Variants in KIF1A observed in about 807,000 individuals in gnomAD.
KIF1A encodes kinesin family member 1A, also known as kinesin-like protein KIF1A.
KIF1A carries 46 observed loss-of-function variants against 227.3 expected under a neutral mutation model. The observed-to-expected ratio is 0.20, with a 90% CI of 0.16 to 0.26. The LOEUF (loss-of-function observed/expected upper bound fraction) is 0.26. Ranked by LOEUF, KIF1A falls within the 10% of genes least tolerant of loss-of-function variation. The pLI, the probability that KIF1A is intolerant of heterozygous loss-of-function variation, is 1.00. For missense variants in KIF1A, 1,683 were observed against 2,485.9 expected (o/e 0.68, Z 6.87); for synonymous variants, 1,022 against 1,012.8 (o/e 1.01, Z -0.17).
intron 1 of KIF1A, among the ~76,000 whole-genome samples, chr2:240,800,634 G>GTTTT (rs2056888563): frequency 1.3e-5 from 2 of 152,374 alleles, no homozygotes; most frequent in East Asian, 3.9e-4. Flanking sequence ...CAAGATTCCA[G>GTTTT]AAGACAGAGG....
rs750851476 is a variant in KIF1A at position 240,752,032 on chromosome 2, C to T, written c.2859-1485G>A. On this transcript the variant is annotated intron_variant, in intron 27 of 48. Coordinates refer to ENST00000498729, the MANE Select transcript of KIF1A (RefSeq NM_001244008.2). This position sits in a 1 kb window ranked among gnomAD's most constrained non-coding sequence, Gnocchi z 6.4. ...CCAACGCCCTCACTGCAAAATGGCC[C>T]AGGCTCGCAACAGGAAAAGGGTCTT... is the stretch of plus-strand genomic sequence containing the variant. 2.0e-5 allele frequency among the ~76,000 whole-genome samples: 3 copies of T among 152,074 alleles called. No individual in the cohort carries two copies. The highest frequency in any genetic ancestry group is 7.2e-5 in the African/African-American group (3 of 41,424).
At position 240,725,315 on chromosome 2, in the gene KIF1A, G is replaced by A. The variant is rs752972658; in HGVS notation, c.4212C>T (p.Ser1404=). The A allele has an allele frequency of 6.2e-7, 1 of 1,610,604 alleles. No individual in the cohort carries two copies. The highest frequency in any genetic ancestry group is 1.7e-5 in the Admixed American group (1 of 59,676). ...SRDAKLPASR[S]IRNLFGSGSL... ...TCCCACTGCCAAAGAGGTTGCGGAT[G>A]GAGCGCGAGGCTGGCAGCTTGGCAT... The change falls in exon 40 of 49, where the codon TCC becomes TCT. Residue 1404 remains serine (S), a synonymous_variant. Coordinates refer to ENST00000498729, the MANE Select transcript of KIF1A (RefSeq NM_001244008.2). This position sits in a 1 kb window ranked among gnomAD's most constrained non-coding sequence, Gnocchi z 5.8.
rs1310258691 is a variant in KIF1A, at chr2:240,718,146, C to T, written c.5237G>A (p.Cys1746Tyr). ...MLKTPNTFAV[C>Y]TEHRGILLQA... ...CAGCAGGATGCCGCGGTGTTCCGTG[C>T]ACACCGCGAATGTGTTGGGTGTCTG... Residue 1746 changes from cysteine to tyrosine, a missense_variant, in exon 48 of 49, where the codon TGC becomes TAC. Transcript: ENST00000498729. The T allele has an allele frequency of 6.2e-7, 1 of 1,607,230 alleles. No individual in the cohort carries two copies. The highest frequency in any genetic ancestry group is 1.3e-5 in the African/African-American group (1 of 74,974).
chr2:240,772,730 G>A, intron 13 of KIF1A, 134 bp from the exon 14 acceptor site: 1 of 713,952 alleles, frequency 1.4e-6, no homozygotes, highest in South Asian at 1.8e-5. Context: ...GCAGGGTGGT[G>A]AAGGTCTTCA....
rs1418545388 is a variant in KIF1A, at chr2:240,740,093, T to C, written c.3866A>G (p.His1289Arg). The C allele has an allele frequency of 1.6e-5, 25 of 1,589,652 alleles. No homozygotes were observed. The highest frequency in any genetic ancestry group is 4.0e-5 in the African/African-American group (3 of 74,190). ...CTCGCGCACTTCCTTCCAGCGGATA[T>C]GGCTGCCTGTCTCATGCAGTAGTGT... ...TVTLLHETGS[H>R]IRWKEVRELV... The change falls in exon 37 of 49, where the codon CAT becomes CGT. Residue 1289 changes from histidine to arginine, a missense_variant. This residue lies in a region of KIF1A where 759 missense variants were observed against 1,020.2 expected (regional missense o/e 0.74). Coordinates refer to ENST00000498729, the MANE Select transcript of KIF1A (RefSeq NM_001244008.2). This position sits in a 1 kb window ranked among gnomAD's most constrained non-coding sequence, Gnocchi z 6.1.
intron 10 of KIF1A, chr2:240,782,272 G>A (rs2054145378): frequency 3.3e-6 from 3 of 904,354 alleles, no homozygotes; most frequent in Non-Finnish European, 4.0e-6. Context: ...CATGTCCGAG[G>A]GGCTCCTCCG....
At position 240,760,588 on chromosome 2, in the gene KIF1A, C is replaced by T. The variant is rs573850771; in HGVS notation, c.2444+77G>A. 1.6e-3 allele frequency: 1,863 copies of T among 1,195,536 alleles called. 65 individuals are homozygous for T. In the South Asian group the frequency reaches 0.035, roughly 23 times the overall value. The allele number at this position is 1,195,536 out of a possible 1,614,324, so 74.1% of individuals were successfully genotyped here. ...GCAGGTACTCGCTGTGAAGCCTGTG[C>T]CTACCACCGCTCCTGTGGCTTCAGC... On this transcript the variant is annotated intron_variant, in intron 25 of 48. Transcript: ENST00000498729.
rs550429072 is a variant in KIF1A, at chr2:240,745,858, T to C, written c.3254A>G (p.Asp1085Gly). The change falls in exon 31 of 49, where the codon GAT (aspartate) becomes GGT (glycine). Residue 1085 changes from aspartate to glycine, a missense_variant. Around this residue, in one of 12 missense-constraint regions of KIF1A, gnomAD observed 759 missense variants for 1,020.2 expected, o/e 0.74. Transcript: ENST00000498729. Reference protein sequence around the residue: ...LLDSSEKAALDGPLDAALDHL... With the variant: ...LLDSSEKAALGGPLDAALDHL... ...GTCCAGGGCAGCATCCAGGGGCCCA[T>C]CCAGGGCGGCTTTCTCAGAGCTGTC... The C allele has an allele frequency of 1.6e-5, 26 of 1,612,082 alleles. No homozygotes were observed. Among genetic ancestry groups the C allele is most frequent in the Non-Finnish European group, 2.0e-5 (24 of 1,179,344 alleles).
chr2:240,811,533 G>A (rs2057864037), intron 1 of KIF1A, among the ~76,000 whole-genome samples: 1 of 150,760 alleles, frequency 6.6e-6, no homozygotes, highest in Non-Finnish European at 1.5e-5. Flanking sequence ...CTGAACCCCT[G>A]AGAAGGCGGG....
chr2:240,722,747 C>A, intron 42 of KIF1A, 91 bp from the exon 43 acceptor site: 3 of 1,085,296 alleles, frequency 2.8e-6, no homozygotes, highest in Non-Finnish European at 3.9e-6. Context: ...ACCCTCTGGG[C>A]AGACCCCGGA....
At position 240,746,035 on chromosome 2, in the gene KIF1A, C is replaced by T. The variant is rs1230557900; in HGVS notation, c.3202+4G>A. The T allele has an allele frequency of 6.2e-7, 1 of 1,607,484 alleles. No homozygotes were observed. The highest frequency in any genetic ancestry group is 2.2e-5 in the East Asian group (1 of 44,652). ...GCCCTGGGCAGCTGGGGTGGGCGACCCACCTGAACAGGTGTTGTTGTTGAC... is the reference window on the plus strand; with the variant it reads ...GCCCTGGGCAGCTGGGGTGGGCGACTCACCTGAACAGGTGTTGTTGTTGAC... On this transcript the variant is annotated splice_donor_region_variant and intron_variant, in intron 30 of 48. Transcript: ENST00000498729.
At position 240,765,855 on chromosome 2, in the gene KIF1A, C is replaced by T. The variant is rs115292533; in HGVS notation, c.1685-62G>A. The T allele has an allele frequency of 2.5e-3, 3,250 of 1,282,050 alleles. 8 individuals are homozygous for T. The highest frequency in any genetic ancestry group is 3.3e-3 in the Non-Finnish European group (2,929 of 885,316). The allele number at this position is 1,282,050 out of a possible 1,614,324, so 79.4% of individuals were successfully genotyped here. On this transcript the variant is annotated intron_variant, in intron 19 of 48. Transcript: ENST00000498729. ...TGAGGGGCTGTCACCTACAGCAGCT[C>T]GGCTTACCTGGCCCCCGGGCATGGC...
chr2:240,747,998 C>T (rs373682431), intron 28 of KIF1A, among the ~76,000 whole-genome samples: 2 of 152,246 alleles, frequency 1.3e-5, no homozygotes, highest in African/African-American at 2.4e-5. Flanking sequence ...GTGCAAGGGC[C>T]GGTGCCTTTT....
Position 240,720,744 on chromosome 2 carries a change from G to C in KIF1A, c.4868+170C>G, listed in dbSNP as rs139795348. 49 of 707,650 alleles carry C rather than the reference G, an allele frequency of 6.9e-5. No homozygotes were observed. In the African/African-American group the frequency reaches 8.0e-4, roughly 11 times the overall value. The allele number at this position is 707,650 out of a possible 1,614,324, so 43.8% of individuals were successfully genotyped here. A position where few individuals can be genotyped will look rare whatever the true frequency, so the allele number is the denominator to read the frequency against. Reference sequence around the variant, plus strand: ...AGCTGGCGGGGCACAGGCACCCTCTGAGAGGGCTGCGGACTCCACTCCTCC... The same window carrying C: ...AGCTGGCGGGGCACAGGCACCCTCTCAGAGGGCTGCGGACTCCACTCCTCC... On this transcript the variant is annotated intron_variant, in intron 45 of 48. Transcript: ENST00000498729.
In KIF1A at chr2:240,758,293, T is replaced by C; in HGVS notation, c.2582+67A>G. The C allele has an allele frequency of 1.9e-6, 3 of 1,550,406 alleles. No individual in the cohort carries two copies. Among genetic ancestry groups the C allele is most frequent in the Non-Finnish European group, 2.6e-6 (3 of 1,144,812 alleles). ...CTCCTTGTATCAGGCCAGGGCCCAC[T>C]CCTACCCCCACTGCCATCTCTCTCT... On this transcript the variant is annotated intron_variant, in intron 26 of 48. Transcript: ENST00000498729. The surrounding 1 kb of genome is among the most constrained non-coding windows in gnomAD (Gnocchi z 5.2).
At chr2:240,731,973 T>G (rs1387617335) in intron 38 of KIF1A, among the ~76,000 whole-genome samples, 1 of 73,224 alleles carries the variant, frequency 1.4e-5, no homozygotes, top group Non-Finnish European at 2.7e-5. Flanking sequence ...GGGAGGAGAC[T>G]AGGAGAGGAG....
chr2:240,787,642 G>C (rs546050057), intron 4 of KIF1A, among the ~76,000 whole-genome samples: 1 of 152,288 alleles, frequency 6.6e-6, no homozygotes, highest in South Asian at 2.1e-4. Context: ...ACCTGCCCAG[G>C]GGAATGGCTG....
chr2:240,779,461 C>T (rs1238766115), intron 10 of KIF1A, among the ~76,000 whole-genome samples: 1 of 149,038 alleles, frequency 6.7e-6, no homozygotes, highest in Non-Finnish European at 1.5e-5. Flanking sequence ...CATAGTTCCA[C>T]ACTCAGTTCC....
chr2:240,737,666 G>A (rs549644212), intron 37 of KIF1A: 1 of 154,214 alleles, frequency 6.5e-6, no homozygotes, highest in Non-Finnish European at 1.4e-5. Context: ...TTCTTACAAG[G>A]GGCATTTCCA....
Sources: gnomAD v4.1 joint callset for allele counts (sites outside exome capture counted in the v4.1 genomes callset) on GRCh38, gnomAD v4.1.1 for gene constraint, gnomAD v4.1.1 regional missense constraint, Gnocchi (gnomAD v3.1) non-coding constraint, MANE v1.5 for transcripts, NCBI Gene and HGNC (gene_info 2026-07-23, HGNC 2026-07-21) for gene names.